The following LRR1 variants were observed in gnomAD, a reference collection of about 807,000 sequenced individuals.
The protein encoded by LRR1 is leucine-rich repeat protein 1.
Under a neutral mutation model 31.6 loss-of-function variants are expected in LRR1, and 29 were observed. The ratio of observed to expected loss-of-function variants is 0.92; its 90% CI spans 0.68 to 1.25. The LOEUF (loss-of-function observed/expected upper bound fraction) is 1.25. Ranked by LOEUF, LRR1 falls within the 50% of genes most tolerant of loss-of-function variation. The probability of loss-of-function intolerance (pLI) is 0.00; values close to 1 mark genes in which losing one functional copy is unlikely to be tolerated. For synonymous variants in LRR1, 179 were observed against 181.4 expected, an observed-to-expected ratio of 0.99 and a Z score of 0.10; for missense variants, 485 against 487.2, an observed-to-expected ratio of 1.00 and a Z score of 0.04.
At chr14:49,613,291 A>T (rs1882580855) in intron 3 of LRR1, among the ~76,000 whole-genome samples, 2 of 149,184 alleles carry the variant, frequency 1.3e-5, no homozygotes, top group Non-Finnish European at 3.0e-5. Context: ...GTGAGCCGAG[A>T]TTGTGCCACT....
intron 3 of LRR1, among the ~76,000 whole-genome samples, chr14:49,608,902 T>C (rs1882399569): frequency 3.9e-5 from 1 of 25,336 alleles, no homozygotes; most frequent in Non-Finnish European, 1.3e-4. Flanking sequence ...TTAACCTCTT[T>C]TTTTTTTTTT....
At chr14:49,605,645 C>T (rs1394394092) in intron 2 of LRR1, among the ~76,000 whole-genome samples, 1 of 152,164 alleles carries the variant, frequency 6.6e-6, no homozygotes, top group Admixed American at 6.5e-5. Flanking sequence ...CTTCAGTTTT[C>T]TTAGTCACTT....
At chr14:49,604,821 T>A (rs922258536) in intron 2 of LRR1, among the ~76,000 whole-genome samples, 1 of 39,880 alleles carries the variant, frequency 2.5e-5, no homozygotes, top group Non-Finnish European at 7.0e-5. Flanking sequence ...GGTGGTTTTT[T>A]TCTGCCTTCT....
At chr14:49,610,673 C>A (rs1240986490) in intron 3 of LRR1, among the ~76,000 whole-genome samples, 1 of 152,136 alleles carries the variant, frequency 6.6e-6, no homozygotes, top group African/African-American at 2.4e-5. Flanking sequence ...AGCAGTTCTC[C>A]TGCCTCAGCC....
At chr14:49,611,722 AG>A (rs1231325594) in intron 3 of LRR1, among the ~76,000 whole-genome samples, 10 of 152,298 alleles carry the variant, frequency 6.6e-5, no homozygotes, top group Admixed American at 2.6e-4. Context: ...CAGGAGTTTG[AG>A]ACCAGCAGGG....
At chr14:49,600,571 A>C in intron 1 of LRR1, 1 of 1,578,948 alleles carries the variant, frequency 6.3e-7, no homozygotes, top group Non-Finnish European at 8.6e-7. Flanking sequence ...GTAAAAAAAA[A>C]AGAATAGGAT....
At chr14:49,599,793 G>C (rs1881971186) in intron 1 of LRR1, among the ~76,000 whole-genome samples, 1 of 146,312 alleles carries the variant, frequency 6.8e-6, no homozygotes, top group Admixed American at 6.8e-5. Flanking sequence ...TCCGGGCGGC[G>C]ACCGCGGCGG....
At chr14:49,602,762 G>A (rs901400378) in intron 2 of LRR1, among the ~76,000 whole-genome samples, 1 of 152,032 alleles carries the variant, frequency 6.6e-6, no homozygotes, top group Admixed American at 6.6e-5. Flanking sequence ...GCCTCCCAAA[G>A]TGTTGGGATT....
At chr14:49,603,752 G>A in intron 2 of LRR1, 7 of 935,434 alleles carry the variant, frequency 7.5e-6, no homozygotes, top group Non-Finnish European at 8.7e-6. Flanking sequence ...GGATTACAGT[G>A]GCGTGATCTC....
chr14:49,613,059 G>A (rs1453096909), intron 3 of LRR1, among the ~76,000 whole-genome samples: 1 of 152,102 alleles, frequency 6.6e-6, no homozygotes, highest in African/African-American at 2.4e-5. Flanking sequence ...AATTAGCCAG[G>A]CCAGGCGTGG....
rs756185551 is a variant in LRR1 at position 49,611,110 on chromosome 14, A to T, written c.1004+2989A>T. ...CAGTCCTCTCTCCTTGCCATCCCCAATGTAAGAACTCTTACTCTAAACCAA... is the reference window on the plus strand; with the variant it reads ...CAGTCCTCTCTCCTTGCCATCCCCATTGTAAGAACTCTTACTCTAAACCAA... On this transcript the variant is annotated intron_variant, in intron 3 of 3. Transcript: ENST00000298288. Among the ~76,000 whole-genome samples, 4 of 152,150 alleles carry T rather than the reference A, an allele frequency of 2.6e-5. No homozygotes were observed. The East Asian group carries it at 7.7e-4, about 29-fold the overall frequency.
At chr14:49,614,220 CATGTT>C in intron 3 of LRR1, 31 bp from the exon 4 acceptor site, 1 of 1,581,298 alleles carries the variant, frequency 6.3e-7, no homozygotes, top group South Asian at 1.1e-5. Context: ...AATCTAGTAA[CATGTT>C]ATAAAATATT....
intron 2 of LRR1, among the ~76,000 whole-genome samples, chr14:49,603,839 C>T (rs1882183016): frequency 2.0e-5 from 3 of 151,544 alleles, no homozygotes; most frequent in South Asian, 2.1e-4. Flanking sequence ...ATTACAGGCA[C>T]GTGCCGCCAT....
intron 2 of LRR1, chr14:49,603,508 T>G: frequency 1.3e-5 from 5 of 393,242 alleles, no homozygotes; most frequent in Non-Finnish European, 1.8e-5. Context: ...ACTGTAATCA[T>G]TCTTTCTTCT....
chr14:49,613,113 A>G (rs1475660338), intron 3 of LRR1, among the ~76,000 whole-genome samples: 1 of 151,856 alleles, frequency 6.6e-6, no homozygotes, highest in Non-Finnish European at 1.5e-5. Context: ...GCCAAGGCGG[A>G]CAGATCACAA....
chr14:49,608,619 T>C (rs1406744638), intron 3 of LRR1, among the ~76,000 whole-genome samples: 1 of 151,664 alleles, frequency 6.6e-6, no homozygotes, highest in Non-Finnish European at 1.5e-5. Flanking sequence ...TATTAAGCAC[T>C]CAATAAGTAG....
At chr14:49,605,990 A>G (rs1882262922) in intron 2 of LRR1, among the ~76,000 whole-genome samples, 1 of 150,734 alleles carries the variant, frequency 6.6e-6, no homozygotes, top group Non-Finnish European at 1.5e-5. Context: ...CTTTTGCTCT[A>G]CATAGCTTCC....
At chr14:49,605,803 T>G (rs1882257686) in intron 2 of LRR1, among the ~76,000 whole-genome samples, 1 of 152,190 alleles carries the variant, frequency 6.6e-6, no homozygotes, top group Non-Finnish European at 1.5e-5. Flanking sequence ...CCAGTATGCT[T>G]TATTGTACCT....
intron 2 of LRR1, chr14:49,603,545 T>TATA: frequency 4.6e-6 from 1 of 218,722 alleles, no homozygotes; most frequent in Non-Finnish European, 8.3e-6. Context: ...TTTTTTTTTT[T>TATA]TTTGAGATGG....
Sources: allele counts gnomAD v4.1 joint callset (sites outside exome capture counted in the v4.1 genomes callset), GRCh38; gene constraint gnomAD v4.1.1; transcripts MANE v1.5; gene names NCBI Gene and HGNC (gene_info 2026-07-23, HGNC 2026-07-21).